HSF5: variants seen among roughly 807,000 people sequenced by gnomAD.
The protein encoded by HSF5 is heat shock transcription factor 5.
Under a neutral mutation model 50.8 loss-of-function variants are expected in HSF5, and 5 were observed. That is an observed-to-expected ratio of 0.10 (90% confidence interval 0.05 to 0.21). The LOEUF (loss-of-function observed/expected upper bound fraction) is 0.21. Among genes scored for constraint, HSF5 ranks in the 10% least tolerant of loss-of-function variants. The pLI is 1.00. For synonymous variants in HSF5, 307 were observed against 307.4 expected (o/e 1.00, Z 0.02); for missense variants, 564 against 762.6 (o/e 0.74, Z 3.07).
At position 58,462,987 on chromosome 17, in the gene HSF5, G is replaced by A; in HGVS notation, c.1337C>T (p.Thr446Ile). ...GSDIMSFVVG[T>I]EQAVACSLPQ... ...TAGAGAGCAGGCAACTGCTTGTTCT[G>A]TTCCAACCACAAAAGACATAATATC... The change falls in exon 4 of 6, where the codon ACA becomes ATA. Residue 446 changes from threonine to isoleucine, a missense_variant. Physicochemically the swap from Thr to Ile is moderately conservative, Grantham distance 89. Around this residue, in one of 5 missense-constraint regions of HSF5, gnomAD observed 441 missense variants for 533.6 expected, o/e 0.83. Transcript: ENST00000323777. The A allele has an allele frequency of 6.2e-7, 1 of 1,614,180 alleles. No individual in the cohort carries two copies.
At chr17:58,452,123 C>T (rs899441004) in intron 5 of HSF5, among the ~76,000 whole-genome samples, 9 of 151,480 alleles carry the variant, frequency 5.9e-5, no homozygotes, top group Admixed American at 2.6e-4. Context: ...GTGTCACACA[C>T]GAGGAGTCCT....
chr17:58,474,661 C>A (rs1274675393), intron 2 of HSF5, among the ~76,000 whole-genome samples: 1 of 151,984 alleles, frequency 6.6e-6, no homozygotes, highest in Non-Finnish European at 1.5e-5. Flanking sequence ...TTAACTATAA[C>A]ATTTGTAGTG....
At chr17:58,450,449 A>G (rs896685387) in intron 5 of HSF5, among the ~76,000 whole-genome samples, 6 of 151,830 alleles carry the variant, frequency 4.0e-5, no homozygotes, top group Admixed American at 6.6e-5. Flanking sequence ...AGCTATACTT[A>G]TATCAGATAA....
intron 5 of HSF5, among the ~76,000 whole-genome samples, chr17:58,444,473 C>A (rs1410996846): frequency 6.6e-6 from 1 of 152,158 alleles, no homozygotes; most frequent in Non-Finnish European, 1.5e-5. Context: ...AAAGGACAAT[C>A]TCTCTATTTA....
intron 5 of HSF5, among the ~76,000 whole-genome samples, chr17:58,443,685 T>C (rs890454961): frequency 6.6e-6 from 1 of 152,264 alleles, no homozygotes; most frequent in Non-Finnish European, 1.5e-5. Flanking sequence ...ATTAGTTCAG[T>C]AGTCTAGTAC....
At chr17:58,446,979 G>A (rs1368013106) in intron 5 of HSF5, among the ~76,000 whole-genome samples, 1 of 152,134 alleles carries the variant, frequency 6.6e-6, no homozygotes, top group African/African-American at 2.4e-5. Flanking sequence ...GCAAAAATTA[G>A]CCAGGTGTGG....
In HSF5 at chr17:58,483,982, G is replaced by A. The variant is rs1197478930; in HGVS notation, c.551-3715C>T. 3.3e-5 allele frequency among the ~76,000 whole-genome samples: 5 copies of A among 151,890 alleles called. No individual in the cohort carries two copies. In the East Asian group the frequency reaches 9.7e-4, roughly 29 times the overall value. ...TCGAGAAGAAGAAAAATGAGATGAGGAAAAGTAGAAGAGCCAAGGACTTAG... is the reference window on the plus strand; with the variant it reads ...TCGAGAAGAAGAAAAATGAGATGAGAAAAAGTAGAAGAGCCAAGGACTTAG... On this transcript the variant is annotated intron_variant, in intron 1 of 5. Transcript: ENST00000323777.
At chr17:58,474,463 C>G (rs928197171) in intron 2 of HSF5, among the ~76,000 whole-genome samples, 1 of 152,078 alleles carries the variant, frequency 6.6e-6, no homozygotes. Context: ...TCTCTATATA[C>G]TGTATACTAT....
At chr17:58,467,016 C>T (rs764358639) in intron 2 of HSF5, 37 bp from the exon 3 acceptor site, 1 of 1,332,948 alleles carries the variant, frequency 7.5e-7, no homozygotes, top group Non-Finnish European at 1.1e-6. Context: ...CCATCAACCA[C>T]AATACATTTC....
At chr17:58,484,351 G>C (rs887319357) in intron 1 of HSF5, among the ~76,000 whole-genome samples, 1 of 152,180 alleles carries the variant, frequency 6.6e-6, no homozygotes, top group Non-Finnish European at 1.5e-5. Flanking sequence ...TGAAGTATAA[G>C]TGAATAAAAT....
At chr17:58,459,333 G>C (rs1225492288) in intron 4 of HSF5, among the ~76,000 whole-genome samples, 1 of 151,988 alleles carries the variant, frequency 6.6e-6, no homozygotes, top group Non-Finnish European at 1.5e-5. Context: ...TAGGACTACA[G>C]GTATTAGCTA....
At chr17:58,478,332 C>T (rs901816136) in intron 2 of HSF5, among the ~76,000 whole-genome samples, 17 of 146,906 alleles carry the variant, frequency 1.2e-4, no homozygotes, top group South Asian at 2.2e-4. Flanking sequence ...CACAATTAGC[C>T]GAGAGTTGGT....
rs547172808 is a variant in HSF5 at position 58,457,723 on chromosome 17, T to C, written c.1720+1045A>G. Among the ~76,000 whole-genome samples the C allele has an allele frequency of 7.9e-5, 12 of 152,354 alleles. No homozygotes were observed. The East Asian group carries it at 1.9e-3, about 24-fold the overall frequency. On this transcript the variant is annotated intron_variant, in intron 5 of 5. Coordinates refer to ENST00000323777, the MANE Select transcript of HSF5 (RefSeq NM_001080439.3). ...ACAGATTTGTCCTATGGCACAAAAA[T>C]GGATACGGTAAATGTTAGTTCCTGC... is the stretch of plus-strand genomic sequence containing the variant.
chr17:58,445,231 C>T (rs1277928090), intron 5 of HSF5, among the ~76,000 whole-genome samples: 1 of 152,176 alleles, frequency 6.6e-6, no homozygotes, highest in Non-Finnish European at 1.5e-5. Context: ...ATTGGATTAA[C>T]CATATGATCC....
At position 58,479,912 on chromosome 17, in the gene HSF5, C is replaced by A. The variant is rs368217183; in HGVS notation, c.906G>T (p.Ser302=). 7 of 1,612,688 alleles carry A rather than the reference C, an allele frequency of 4.3e-6. No homozygotes were observed. Among genetic ancestry groups the A allele is most frequent in the Non-Finnish European group, 5.9e-6 (7 of 1,179,588 alleles). The change falls in exon 2 of 6, where the codon TCG becomes TCT. Residue 302 remains serine, a synonymous_variant. Transcript: ENST00000323777. ...YSNYTPSAQY[S]QAYYPTAVLQ... ...TCATACCTGTTGGATAGTAGGCTTGCGAGTACTGTGCTGAGGGTGTGTAGT... is the reference window on the plus strand; with the variant it reads ...TCATACCTGTTGGATAGTAGGCTTGAGAGTACTGTGCTGAGGGTGTGTAGT...
At chr17:58,479,841 G>A in intron 2 of HSF5, 52 bp downstream of exon 2, 3 of 1,462,522 alleles carry the variant, frequency 2.1e-6, no homozygotes, top group Admixed American at 2.1e-5. Context: ...ATATATATAT[G>A]CTCATTATAA....
rs66502039 is a variant in HSF5 at position 58,425,575 on chromosome 17, C to CAAAAAA, written c.1721-3151_1721-3146dup. Among the ~76,000 whole-genome samples, 123 of 32,976 alleles carry CAAAAAA rather than the reference C, an allele frequency of 3.7e-3. 7 individuals carry two copies. The highest frequency in any genetic ancestry group is 4.5e-3 in the Non-Finnish European group (94 of 20,736). 21.6% of individuals were successfully genotyped at this position (32,976 alleles called of 152,430 possible). A position where few individuals can be genotyped will look rare whatever the true frequency, so the allele number is the denominator to read the frequency against. ...GGGCAACATAGTAAGACCTCTATCTCAAAAAAAAAAAAAAAAAAAAAAAAA... is the reference window on the plus strand; with the variant it reads ...GGGCAACATAGTAAGACCTCTATCTCAAAAAAAAAAAAAAAAAAAAAAAAAAAAAAA... On this transcript the variant is annotated intron_variant, in intron 5 of 5. Transcript: ENST00000323777.
At chr17:58,466,743 T>C in intron 3 of HSF5, 142 bp downstream of exon 3, 1 of 632,940 alleles carries the variant, frequency 1.6e-6, no homozygotes, top group Non-Finnish European at 2.8e-6. Flanking sequence ...CTTTTTTTTT[T>C]TAAGAATTGA....
chr17:58,439,296 C>CAAA (rs78846977), intron 5 of HSF5, among the ~76,000 whole-genome samples: 1 of 147,616 alleles, frequency 6.8e-6, no homozygotes, highest in Non-Finnish European at 1.5e-5. Context: ...ACAACAACAA[C>CAAA]CAAAAAAAAA....
Sources: gnomAD v4.1 joint callset for allele counts (sites outside exome capture counted in the v4.1 genomes callset) on GRCh38, gnomAD v4.1.1 for gene constraint, gnomAD v4.1.1 regional missense constraint, MANE v1.5 for transcripts, NCBI Gene and HGNC (gene_info 2026-07-23, HGNC 2026-07-21) for gene names.